ANO3: variants seen among roughly 807,000 people sequenced by gnomAD.
ANO3 encodes the protein anoctamin-3.
ANO3 carries 99 observed loss-of-function variants against 144.8 expected under a neutral mutation model. The ratio of observed to expected loss-of-function variants is 0.68; its 90% confidence interval spans 0.58 to 0.81. The LOEUF (loss-of-function observed/expected upper bound fraction) is 0.81, where lower values mean the gene tolerates loss of function less well. ANO3 is among the 30% of genes least tolerant of loss of function. The probability of loss-of-function intolerance (pLI) is 0.00; values close to 1 mark genes in which losing one functional copy is unlikely to be tolerated. For synonymous variants in ANO3, 414 were observed against 392.6 expected, an observed-to-expected ratio of 1.05 and a Z score of -0.64; for missense variants, 905 against 1,202.2, an observed-to-expected ratio of 0.75 and a Z score of 3.66.
At chr11:26,374,060 C>A (rs1187230514) in intron 1 of ANO3, among the ~76,000 whole-genome samples, 1 of 152,120 alleles carries the variant, frequency 6.6e-6, no homozygotes, top group Non-Finnish European at 1.5e-5. Context: ...TTTGTTGATC[C>A]TAAGAGACAT....
At chr11:26,545,105 G>T (rs746498339) in intron 11 of ANO3, among the ~76,000 whole-genome samples, 8 of 151,990 alleles carry the variant, frequency 5.3e-5, no homozygotes, top group Non-Finnish European at 8.8e-5. Context: ...CCAGAAGAAA[G>T]ATTGTCTTAA....
intron 1 of ANO3, among the ~76,000 whole-genome samples, chr11:26,273,172 T>C (rs1232389162): frequency 6.6e-6 from 1 of 151,966 alleles, no homozygotes; most frequent in Non-Finnish European, 1.5e-5. Context: ...GTTCCATCAA[T>C]GCTTTTTTCT....
At chr11:26,480,730 C>A (rs1565050963) in intron 4 of ANO3, among the ~76,000 whole-genome samples, 1 of 152,042 alleles carries the variant, frequency 6.6e-6, no homozygotes, top group East Asian at 1.9e-4. Context: ...ATCAATTGAA[C>A]CCAGGAGGTG....
At chr11:26,322,350 G>C (rs1854779752) in intron 1 of ANO3, among the ~76,000 whole-genome samples, 2 of 152,052 alleles carry the variant, frequency 1.3e-5, no homozygotes, top group South Asian at 4.1e-4. Context: ...TGTTACAGCT[G>C]ATGAACCAGT....
At chr11:26,599,453 T>C (rs1156669269) in intron 16 of ANO3, 97 bp from the exon 17 acceptor site, 29 of 1,249,856 alleles carry the variant, frequency 2.3e-5, no homozygotes, top group Non-Finnish European at 3.1e-5. Context: ...GGTAAATACC[T>C]TCAATTCTTG....
intron 1 of ANO3, among the ~76,000 whole-genome samples, chr11:26,438,854 A>G (rs1858405514): frequency 6.6e-6 from 1 of 152,088 alleles, no homozygotes; most frequent in African/African-American, 2.4e-5. Flanking sequence ...TTATATAGAA[A>G]TACAAAAGAC....
intron 11 of ANO3, among the ~76,000 whole-genome samples, chr11:26,545,764 GAGTTACCCAGTAGC>G (rs985323708): frequency 5.3e-5 from 8 of 151,534 alleles, no homozygotes; most frequent in African/African-American, 1.7e-4. Flanking sequence ...GTGTGATGGG[GAGTTACCCAGTAGC>G]AGCCCCCTCT....
At position 26,586,503 on chromosome 11, in the gene ANO3, C is replaced by CTTTTTTTTTTT. The variant is rs550057766; in HGVS notation, c.1448-11854_1448-11844dup. On this transcript the variant is annotated intron_variant, in intron 14 of 26. Transcript: ENST00000256737. Reference sequence around the variant, plus strand: ...AAGAAGGGGCTTCCCTGGTGAGAATCTTTTTTTTTTTTTTTTTTGAGACAT... The same window carrying CTTTTTTTTTTT: ...AAGAAGGGGCTTCCCTGGTGAGAATCTTTTTTTTTTTTTTTTTTTTTTTTTTTTTGAGACAT... 1.6e-4 allele frequency among the ~76,000 whole-genome samples: 13 copies of CTTTTTTTTTTT among 81,448 alleles called. 2 individuals are homozygous for CTTTTTTTTTTT. The highest frequency in any genetic ancestry group is 4.4e-4 in the South Asian group (1 of 2,292). The allele number at this position is 81,448 out of a possible 152,430, so 53.4% of individuals were successfully genotyped here.
rs180736487 is a variant in ANO3, at chr11:26,282,616, G to C, written c.155-27029G>C. Among the ~76,000 whole-genome samples, 262 of 152,058 alleles carry C rather than the reference G, an allele frequency of 1.7e-3. 3 individuals carry two copies. Among genetic ancestry groups the C allele is most frequent in the Non-Finnish European group, 6.0e-4 (41 of 67,980 alleles). Reference sequence around the variant, plus strand: ...CTGTTGGAATTGTGTAGGCCATTTTGTGTCATTTTTAAAAAGCTCATCTAC... The same window carrying C: ...CTGTTGGAATTGTGTAGGCCATTTTCTGTCATTTTTAAAAAGCTCATCTAC... On this transcript the variant is annotated intron_variant, in intron 1 of 27. Transcript: ENST00000672621.
chr11:26,565,824 G>A (rs539302971), intron 14 of ANO3: 20 of 1,612,502 alleles, frequency 1.2e-5, no homozygotes, highest in African/African-American at 2.7e-5. Flanking sequence ...ATAAAACAAC[G>A]TTGAAATCAA....
Position 26,442,078 on chromosome 11 carries a change from T to C in ANO3, c.207T>C (p.Ser69=), listed in dbSNP as rs776244673. The C allele has an allele frequency of 1.1e-5, 17 of 1,613,958 alleles. No homozygotes were observed. The Admixed American group carries it at 2.8e-4, about 27-fold the overall frequency. ...STESESQAPT[S]ITLISTDKAE... is the part of the protein sequence containing the mutation. ...AGAGTGAATCTCAGGCTCCCACATC[T>C]ATAACCTTAATCTCCACTGACAAAG... The change falls in exon 2 of 27, where the codon TCT becomes TCC. Residue 69 remains serine, a synonymous_variant. Coordinates refer to ENST00000256737, the MANE Select transcript of ANO3 (RefSeq NM_031418.4).
chr11:26,332,038 G>A (rs1010438630), upstream of ANO3: 30 of 1,281,922 alleles, frequency 2.3e-5, no homozygotes, highest in Middle Eastern at 2.8e-4. Flanking sequence ...CGGGGGATGC[G>A]GGGTTGTTCC....
At chr11:26,273,807 T>C (rs1187931504) in intron 1 of ANO3, among the ~76,000 whole-genome samples, 2 of 152,008 alleles carry the variant, frequency 1.3e-5, no homozygotes, top group Non-Finnish European at 2.9e-5. Flanking sequence ...CAGTGCCAGA[T>C]CATGAGGAAG....
intron 18 of ANO3, among the ~76,000 whole-genome samples, chr11:26,630,111 A>G (rs1852728921): frequency 1.3e-5 from 2 of 152,074 alleles, no homozygotes; most frequent in African/African-American, 4.8e-5. Flanking sequence ...AGTCTGTTCC[A>G]GTATGAAATA....
Position 26,643,211 on chromosome 11 carries a change from G to A in ANO3, c.2305G>A (p.Val769Ile), listed in dbSNP as rs750414246. The change falls in exon 23 of 27, where the codon GTT becomes ATT. Residue 769 changes from valine to isoleucine, a missense_variant. Physicochemically the swap from Val to Ile is conservative, Grantham distance 29. Coordinates refer to ENST00000256737, the MANE Select transcript of ANO3 (RefSeq NM_031418.4). ...VLQFGFTTIFVAAFPLAPLLA... is the reference protein window; with the variant it reads ...VLQFGFTTIFIAAFPLAPLLA... ...GCAATTTGGTTTTACCACCATCTTT[G>A]TTGCGGCTTTTCCTCTAGCCCCTCT... is the stretch of plus-strand genomic sequence containing the variant. 5 of 1,613,978 alleles carry A rather than the reference G, an allele frequency of 3.1e-6. No homozygotes were observed. Among genetic ancestry groups the A allele is most frequent in the South Asian group, 1.1e-5 (1 of 91,054 alleles).
chr11:26,418,526 T>C (rs905204517), intron 1 of ANO3, among the ~76,000 whole-genome samples: 19 of 152,078 alleles, frequency 1.2e-4, no homozygotes, highest in African/African-American at 4.6e-4. Context: ...TATATGGCTC[T>C]TCCCCATTCC....
intron 14 of ANO3, among the ~76,000 whole-genome samples, chr11:26,595,722 G>A (rs1446118312): frequency 6.6e-6 from 1 of 152,084 alleles, no homozygotes; most frequent in Non-Finnish European, 1.5e-5. Flanking sequence ...CCCCTGTTAG[G>A]AAATCTGCTG....
intron 12 of ANO3, among the ~76,000 whole-genome samples, chr11:26,552,872 G>T (rs1849971880): frequency 6.6e-6 from 1 of 152,020 alleles, no homozygotes; most frequent in Non-Finnish European, 1.5e-5. Flanking sequence ...AAATAGGTTT[G>T]ATTCCATCTC....
chr11:26,509,105 CTA>C (rs34831311), intron 5 of ANO3, among the ~76,000 whole-genome samples: 27,576 of 147,532 alleles, frequency 0.19, 2,647 homozygotes, highest in South Asian at 0.28. Context: ...CTCTCTCTCT[CTA>C]TATATATATA....
Sources: allele counts gnomAD v4.1 joint callset (sites outside exome capture counted in the v4.1 genomes callset), GRCh38; gene constraint gnomAD v4.1.1; transcripts MANE v1.5; gene names NCBI Gene and HGNC (gene_info 2026-07-23, HGNC 2026-07-21).